FCGRT: variants seen among roughly 807,000 people sequenced by gnomAD.
The protein encoded by FCGRT is Fc gamma receptor and transporter.
FCGRT carries 13 observed loss-of-function variants against 35.7 expected under a neutral mutation model. The observed-to-expected ratio is 0.36, with a 90% CI of 0.24 to 0.58. The LOEUF is 0.58. FCGRT is among the 20% of genes least tolerant of loss of function. FCGRT has a pLI of 0.77. For synonymous variants in FCGRT, 233 were observed against 216.5 expected, an observed-to-expected ratio of 1.08 and a Z score of -0.67; for missense variants, 455 against 474.9, an observed-to-expected ratio of 0.96 and a Z score of 0.39.
chr19:49,521,695 G>T (rs2080042414), intron 4 of FCGRT: 2 of 149,098 alleles, frequency 1.3e-5, no homozygotes, highest in South Asian at 4.2e-4. Flanking sequence ...TTTGAGACAG[G>T]CACTTGCACT....
At position 49,513,411 on chromosome 19, in the gene FCGRT, C is replaced by G. The variant is rs1321677477; in HGVS notation, c.11C>G (p.Pro4Arg). Residue 4 changes from proline to arginine, a missense_variant, in exon 2 of 7, where the codon CCG (proline) becomes CGG (arginine). By Grantham distance (103) the Pro-to-Arg change is moderately radical. Transcript: ENST00000221466. ...GGTCGTCCTCTCAGCATGGGGGTCC[C>G]GCGGCCTCAGCCCTGGGCGCTGGGG... MGV[P>R]RPQPWALGLL... The G allele has an allele frequency of 3.2e-6, 4 of 1,245,120 alleles. No individual in the cohort carries two copies. Among genetic ancestry groups the G allele is most frequent in the Non-Finnish European group, 3.0e-6 (3 of 987,632 alleles). The allele number at this position is 1,245,120 out of a possible 1,614,324, so 77.1% of individuals were successfully genotyped here.
Position 49,526,125 on chromosome 19 carries a change from C to T in FCGRT, c.*6C>T, listed in dbSNP as rs747785507. ...TGATTCCAGCCACCGCCTGACCATC[C>T]GCCATTCCGACTGCTAAAAGCGAAT... is the stretch of plus-strand genomic sequence containing the variant. On this transcript the variant is annotated 3_prime_UTR_variant, in exon 7 of 7. Coordinates refer to ENST00000221466, the MANE Select transcript of FCGRT (RefSeq NM_001136019.3). The T allele has an allele frequency of 1.5e-5, 24 of 1,583,170 alleles. No homozygotes were observed. Among genetic ancestry groups the T allele is most frequent in the South Asian group, 9.9e-5 (9 of 90,498 alleles).
chr19:49,524,113 G>A (rs1164393536), intron 4 of FCGRT, among the ~76,000 whole-genome samples: 1 of 151,380 alleles, frequency 6.6e-6, no homozygotes, highest in African/African-American at 2.4e-5. Flanking sequence ...CTGCCTCCCA[G>A]GTTCAAGCAA....
At chr19:49,517,482 C>T (rs754053869) in intron 4 of FCGRT, among the ~76,000 whole-genome samples, 41 of 151,364 alleles carry the variant, frequency 2.7e-4, no homozygotes, top group Non-Finnish European at 4.9e-4. Flanking sequence ...CAAAGCAAGA[C>T]TCTGTCTCAA....
chr19:49,520,206 T>G (rs1205637598), intron 4 of FCGRT, among the ~76,000 whole-genome samples: 1 of 147,266 alleles, frequency 6.8e-6, no homozygotes, highest in African/African-American at 2.5e-5. Flanking sequence ...CTCGGCTCAC[T>G]GCAACCTCCA....
intron 4 of FCGRT, among the ~76,000 whole-genome samples, chr19:49,517,368 G>A (rs1601190765): frequency 6.6e-6 from 1 of 152,106 alleles, no homozygotes; most frequent in Non-Finnish European, 1.5e-5. Context: ...GTGGGTGCTT[G>A]TAATTCCAGC....
intron 4 of FCGRT, chr19:49,521,284 G>A (rs1052750658): frequency 6.6e-5 from 10 of 152,174 alleles, no homozygotes; most frequent in African/African-American, 2.2e-4. Flanking sequence ...TAGAAGTCCT[G>A]GGCTTGGCCG....
intron 4 of FCGRT, among the ~76,000 whole-genome samples, chr19:49,518,827 G>A (rs1030221665): frequency 6.6e-6 from 1 of 151,862 alleles, no homozygotes; most frequent in African/African-American, 2.4e-5. Flanking sequence ...GAGCCACCGC[G>A]CTCGGCCGTA....
At chr19:49,520,452 C>T (rs1373888575) in intron 4 of FCGRT, among the ~76,000 whole-genome samples, 2 of 151,196 alleles carry the variant, frequency 1.3e-5, no homozygotes, top group Non-Finnish European at 2.9e-5. Context: ...TTCAAGTGAT[C>T]CTCCTGCCTC....
chr19:49,514,176 C>T, intron 3 of FCGRT, 35 bp from the exon 4 acceptor site: 2 of 1,610,240 alleles, frequency 1.2e-6, no homozygotes, highest in Middle Eastern at 1.7e-4. Context: ...GGTCCATGCT[C>T]CGGGGCCCCG....
intron 4 of FCGRT, among the ~76,000 whole-genome samples, chr19:49,522,833 A>G (rs1311265455): frequency 1.5e-5 from 2 of 129,762 alleles, no homozygotes; most frequent in African/African-American, 3.0e-5. Context: ...GCTGGAGTGC[A>G]GTGGCGCAAT....
chr19:49,523,062 C>A (rs141873339), intron 4 of FCGRT, among the ~76,000 whole-genome samples: 1 of 151,866 alleles, frequency 6.6e-6, no homozygotes, highest in Non-Finnish European at 1.5e-5. Context: ...CAGGCGTGAG[C>A]CACCGCGCCT....
intron 4 of FCGRT, among the ~76,000 whole-genome samples, chr19:49,517,763 G>T (rs1416748282): frequency 6.6e-6 from 1 of 152,080 alleles, no homozygotes; most frequent in Non-Finnish European, 1.5e-5. Flanking sequence ...CTCAGTCTCG[G>T]CTCACTGCAA....
intron 4 of FCGRT, among the ~76,000 whole-genome samples, chr19:49,523,137 TG>T (rs1181170831): frequency 6.6e-6 from 1 of 152,182 alleles, no homozygotes; most frequent in Non-Finnish European, 1.5e-5. Context: ...TAAAATATGC[TG>T]GGAGAGTGTT....
chr19:49,515,714 A>G (rs1034968529), intron 4 of FCGRT, among the ~76,000 whole-genome samples: 1 of 152,120 alleles, frequency 6.6e-6, no homozygotes, highest in African/African-American at 2.4e-5. Context: ...GGTGTGAGCC[A>G]CTGTGCTTGG....
intron 6 of FCGRT, 50 bp downstream of exon 6, chr19:49,525,623 A>AT: frequency 7.8e-7 from 1 of 1,289,562 alleles, no homozygotes; most frequent in Non-Finnish European, 1.1e-6. Flanking sequence ...AGAGACCCCA[A>AT]GAGAGGGGCA....
At position 49,524,876 on chromosome 19, in the gene FCGRT, A is replaced by G. The variant is rs757957245; in HGVS notation, c.871+100A>G. On this transcript the variant is annotated intron_variant, in intron 5 of 6. Coordinates refer to ENST00000221466, the MANE Select transcript of FCGRT (RefSeq NM_001136019.3). ...TCTGACCTTCCTCCCCACTGCTGCC[A>G]CCTCCTTGAATCTGACTGCCTTGAA... is the stretch of plus-strand genomic sequence containing the variant. The G allele has an allele frequency of 6.8e-6, 8 of 1,175,488 alleles. No homozygotes were observed. In the Admixed American group the frequency reaches 9.9e-5, roughly 15 times the overall value. 72.8% of individuals were successfully genotyped at this position (1,175,488 alleles called of 1,614,324 possible). A position where few individuals can be genotyped will look rare whatever the true frequency, so the allele number is the denominator to read the frequency against.
At position 49,514,116 on chromosome 19, in the gene FCGRT, A is replaced by G. The variant is rs1490955370; in HGVS notation, c.308A>G (p.Lys103Arg). The G allele has an allele frequency of 6.2e-7, 1 of 1,612,902 alleles. No individual in the cohort carries two copies. The highest frequency in any genetic ancestry group is 2.2e-5 in the East Asian group (1 of 44,866). The change falls in exon 3 of 7, where the codon AAA (lysine) becomes AGA (arginine). Residue 103 changes from lysine (K) to arginine (R), a missense_variant. Physicochemically the swap from Lys to Arg is conservative, Grantham distance 26. Transcript: ENST00000221466. ...GAGAAGCTCTTTCTGGAAGCTTTCA[A>G]AGCTTTGGGGGGAAAAGGTGAGATT... The part of the protein sequence containing the change: ...IKEKLFLEAF[K>R]ALGGKGPYTL...
intron 2 of FCGRT, 130 bp from the exon 3 acceptor site, chr19:49,513,738 CCCCCCCCCCCCGGG>C (rs2079988441): frequency 1.9e-5 from 1 of 52,502 alleles, no homozygotes; most frequent in African/African-American, 1.8e-4. Context: ...GGGTCTCTGT[CCCCCCCCCCCCGGG>C]TTTCTGTCCC....
Sources: allele counts gnomAD v4.1 joint callset (sites outside exome capture counted in the v4.1 genomes callset), GRCh38; gene constraint gnomAD v4.1.1; transcripts MANE v1.5; gene names NCBI Gene and HGNC (gene_info 2026-07-23, HGNC 2026-07-21).